The following POU2AF2 variants were observed in gnomAD, a reference collection of about 807,000 sequenced individuals.
POU2AF2 encodes the protein POU domain class 2-associating factor 2.
chr11:111,254,300 C>T, the POU2AF2 span, among the ~76,000 whole-genome samples: 8 of 152,182 alleles, frequency 5.3e-5, no homozygotes, highest in South Asian at 1.0e-3. Flanking sequence ...GGACCAAATC[C>T]TGTCAAAATT....
chr11:111,273,025 T>A, the POU2AF2 span, among the ~76,000 whole-genome samples: 1 of 152,330 alleles, frequency 6.6e-6, no homozygotes, highest in Admixed American at 6.5e-5. Context: ...TATAGAGTAT[T>A]TTTCTTATTT....
chr11:111,283,998 G>A, the POU2AF2 span: 18 of 1,341,078 alleles, frequency 1.3e-5, no homozygotes, highest in Non-Finnish European at 1.7e-5. Flanking sequence ...CGTTTCCCAG[G>A]CAGAGACTCA....
chr11:111,269,714 T>G, the POU2AF2 span, among the ~76,000 whole-genome samples: 1 of 152,274 alleles, frequency 6.6e-6, no homozygotes, highest in South Asian at 2.1e-4. Flanking sequence ...TAAATACAAA[T>G]AGCATTCCAA....
the POU2AF2 span, among the ~76,000 whole-genome samples, chr11:111,264,584 GAA>G: frequency 1.4e-5 from 2 of 141,278 alleles, no homozygotes; most frequent in African/African-American, 5.2e-5. Context: ...AAGGGAGAGA[GAA>G]AGACAGAAAG....
the POU2AF2 span, among the ~76,000 whole-genome samples, chr11:111,259,922 C>A: frequency 3.9e-5 from 6 of 152,150 alleles, no homozygotes; most frequent in African/African-American, 7.2e-5. Flanking sequence ...TCCCAAAATG[C>A]GGTTATTTGG....
chr11:111,286,352 T>C, the POU2AF2 span: 1 of 278,202 alleles, frequency 3.6e-6, no homozygotes, highest in Non-Finnish European at 6.6e-6. Context: ...TGAAGTATCA[T>C]TTTTGGCACT....
At chr11:111,276,453 A>AAAAAAAAAAAAAAAT in the POU2AF2 span, among the ~76,000 whole-genome samples, 16 of 37,652 alleles carry the variant, frequency 4.2e-4, no homozygotes, top group African/African-American at 1.4e-3. Flanking sequence ...AAAAAAAAAA[A>AAAAAAAAAAAAAAAT]ATATATATAT....
the POU2AF2 span, among the ~76,000 whole-genome samples, chr11:111,259,354 C>T: frequency 7.3e-6 from 1 of 137,370 alleles, no homozygotes; most frequent in Non-Finnish European, 1.5e-5. Flanking sequence ...CTGGTTCTGT[C>T]GGCCAGGCTG....
At chr11:111,279,822 A>G in the POU2AF2 span, among the ~76,000 whole-genome samples, 4 of 151,884 alleles carry the variant, frequency 2.6e-5, no homozygotes, top group African/African-American at 9.7e-5. Context: ...CAGGTAGATC[A>G]CCTGAGGTCA....
chr11:111,259,822 C>T, the POU2AF2 span, among the ~76,000 whole-genome samples: 1 of 152,154 alleles, frequency 6.6e-6, no homozygotes, highest in Non-Finnish European at 1.5e-5. Flanking sequence ...CTTCCTGTCC[C>T]CATCATATTA....
At chr11:111,249,790 T>C in the POU2AF2 span, among the ~76,000 whole-genome samples, 6 of 152,186 alleles carry the variant, frequency 3.9e-5, no homozygotes, top group Non-Finnish European at 7.3e-5. Context: ...GCTACTACTC[T>C]GGTATATTCC....
chr11:111,253,934 C>G, the POU2AF2 span, among the ~76,000 whole-genome samples: 1 of 152,208 alleles, frequency 6.6e-6, no homozygotes, highest in Non-Finnish European at 1.5e-5. Flanking sequence ...ACCCTGCCTT[C>G]CCTGAGTCTC....
chr11:111,259,168 A>C, the POU2AF2 span, among the ~76,000 whole-genome samples: 1 of 152,184 alleles, frequency 6.6e-6, no homozygotes, highest in Non-Finnish European at 1.5e-5. Flanking sequence ...GTGTTGTTTC[A>C]TTTGATAGAC....
chr11:111,262,129 G>A, the POU2AF2 span, among the ~76,000 whole-genome samples: 3 of 152,188 alleles, frequency 2.0e-5, no homozygotes, highest in Non-Finnish European at 4.4e-5. Context: ...AGGGCATACA[G>A]GATAAGGCAA....
the POU2AF2 span, among the ~76,000 whole-genome samples, chr11:111,258,735 G>T: frequency 6.6e-6 from 1 of 152,146 alleles, no homozygotes; most frequent in African/African-American, 2.4e-5. Flanking sequence ...CTATTATTGG[G>T]TTGGAGCCAA....
chr11:111,279,444 C>T, the POU2AF2 span, among the ~76,000 whole-genome samples: 308 of 152,292 alleles, frequency 2.0e-3, 1 homozygote, highest in Non-Finnish European at 3.7e-3. Flanking sequence ...TCAGCAGGGC[C>T]ATGCTCCCTC....
At chr11:111,283,550 C>T in the POU2AF2 span, among the ~76,000 whole-genome samples, 1 of 152,292 alleles carries the variant, frequency 6.6e-6, no homozygotes. Flanking sequence ...GTCTGCCAGG[C>T]GTGCGACCCA....
chr11:111,252,458 G>A, the POU2AF2 span, among the ~76,000 whole-genome samples: 3 of 151,996 alleles, frequency 2.0e-5, no homozygotes, highest in South Asian at 4.1e-4. Flanking sequence ...AATCACCGAC[G>A]TATATTCTTT....
At chr11:111,261,478 A>AT in the POU2AF2 span, among the ~76,000 whole-genome samples, 2 of 152,308 alleles carry the variant, frequency 1.3e-5, no homozygotes, top group South Asian at 4.1e-4. Context: ...TTGGTGAGTG[A>AT]TTTTCAGACC....
Sources: allele counts gnomAD v4.1 joint callset (sites outside exome capture counted in the v4.1 genomes callset), GRCh38; gene constraint gnomAD v4.1.1; transcripts MANE v1.5; gene names NCBI Gene and HGNC (gene_info 2026-07-23, HGNC 2026-07-21).